ULK4: variants seen among roughly 807,000 people sequenced by gnomAD.
ULK4 encodes the protein inactive serine/threonine-protein kinase ULK4.
In ULK4, 133 loss-of-function variants were observed where a neutral mutation model predicts 160.6. That is an observed-to-expected ratio of 0.83 (90% confidence interval 0.72 to 0.96). The LOEUF is 0.96. Ranked by LOEUF, ULK4 falls within the 40% of genes least tolerant of loss-of-function variation. The pLI, the probability that ULK4 is intolerant of heterozygous loss-of-function variation, is 0.00. For missense variants in ULK4, 1,580 were observed against 1,499.5 expected (o/e 1.05, Z -0.89); for synonymous variants, 534 against 539.8 (o/e 0.99, Z 0.15).
chr3:41,831,526 T>C (rs932058821), intron 18 of ULK4, among the ~76,000 whole-genome samples: 2 of 130,544 alleles, frequency 1.5e-5, no homozygotes, highest in African/African-American at 7.5e-5. Flanking sequence ...TTTATATATA[T>C]ATATATTTTT....
intron 35 of ULK4, among the ~76,000 whole-genome samples, chr3:41,393,246 T>C (rs546402219): frequency 1.3e-5 from 2 of 152,310 alleles, no homozygotes; most frequent in Admixed American, 1.3e-4. Context: ...TATGGTAAAG[T>C]TTCATTCCAC....
intron 21 of ULK4, among the ~76,000 whole-genome samples, chr3:41,755,147 G>C (rs1470030659): frequency 6.6e-6 from 1 of 152,230 alleles, no homozygotes; most frequent in East Asian, 1.9e-4. Context: ...GTTAACGAAT[G>C]TAAGTAGTCA....
intron 22 of ULK4, among the ~76,000 whole-genome samples, chr3:41,740,374 T>A (rs2038201670): frequency 6.6e-6 from 1 of 151,884 alleles, no homozygotes; most frequent in South Asian, 2.1e-4. Context: ...CACTGACATT[T>A]CAGCTCACGG....
chr3:41,959,361 C>A (rs1488882165), intron 1 of ULK4, among the ~76,000 whole-genome samples: 2 of 39,776 alleles, frequency 5.0e-5, no homozygotes, highest in African/African-American at 4.5e-5. Context: ...AAGATTCCAT[C>A]TCAAAAAAAA....
chr3:41,818,703 A>G (rs1201697539), intron 19 of ULK4, among the ~76,000 whole-genome samples: 2 of 152,232 alleles, frequency 1.3e-5, no homozygotes, highest in Non-Finnish European at 2.9e-5. Context: ...CAATGAACTC[A>G]AAAGAAAGAT....
At chr3:41,677,454 C>T (rs2035761009) in intron 29 of ULK4, among the ~76,000 whole-genome samples, 2 of 151,840 alleles carry the variant, frequency 1.3e-5, no homozygotes, top group South Asian at 4.2e-4. Flanking sequence ...GCCTCAGCCT[C>T]CCGAGTAGCT....
intron 35 of ULK4, among the ~76,000 whole-genome samples, chr3:41,347,519 A>G (rs1455418846): frequency 1.3e-5 from 2 of 152,078 alleles, no homozygotes; most frequent in Non-Finnish European, 2.9e-5. Flanking sequence ...CCTTTCATGC[A>G]TGCAACACCC....
chr3:41,724,252 A>AG (rs2037569828), intron 22 of ULK4, among the ~76,000 whole-genome samples: 2 of 152,318 alleles, frequency 1.3e-5, no homozygotes, highest in South Asian at 4.1e-4. Context: ...ATTAATGAAT[A>AG]GGGCTAAGCA....
At chr3:41,489,646 T>C (rs921004620) in intron 32 of ULK4, among the ~76,000 whole-genome samples, 9 of 152,126 alleles carry the variant, frequency 5.9e-5, no homozygotes, top group Non-Finnish European at 1.2e-4. Context: ...GCAAAGTCCT[T>C]TCCTGTATAG....
chr3:41,492,729 G>A (rs1490378724), intron 32 of ULK4, among the ~76,000 whole-genome samples: 3 of 151,716 alleles, frequency 2.0e-5, no homozygotes, highest in African/African-American at 7.3e-5. Context: ...AAGGATGGAG[G>A]AAGATCTACC....
chr3:41,321,285 T>A (rs933295845), intron 35 of ULK4, among the ~76,000 whole-genome samples: 6 of 152,180 alleles, frequency 3.9e-5, no homozygotes, highest in Admixed American at 6.5e-5. Context: ...GAGATAGGGA[T>A]ATAAAATATT....
chr3:41,921,657 A>G (rs1419054687), intron 5 of ULK4, among the ~76,000 whole-genome samples: 1 of 152,190 alleles, frequency 6.6e-6, no homozygotes, highest in Non-Finnish European at 1.5e-5. Context: ...AAATAAATGC[A>G]CTAATAAACA....
At chr3:41,355,364 C>A (rs1223684917) in intron 35 of ULK4, among the ~76,000 whole-genome samples, 10 of 152,158 alleles carry the variant, frequency 6.6e-5, no homozygotes, top group Non-Finnish European at 1.3e-4. Flanking sequence ...TTGGGCTTGT[C>A]AAAAGCCCTA....
chr3:41,331,096 G>C (rs1263964685), intron 35 of ULK4, among the ~76,000 whole-genome samples: 1 of 152,212 alleles, frequency 6.6e-6, no homozygotes, highest in African/African-American at 2.4e-5. Flanking sequence ...CCACTTGGGT[G>C]AAAGAAGGCA....
At chr3:41,801,739 C>G (rs931771260) in intron 19 of ULK4, among the ~76,000 whole-genome samples, 1 of 151,652 alleles carries the variant, frequency 6.6e-6, no homozygotes, top group African/African-American at 2.4e-5. Flanking sequence ...TACTCCCAGC[C>G]ACCTGGGAGG....
At chr3:41,653,330 C>T (rs939245892) in intron 30 of ULK4, among the ~76,000 whole-genome samples, 14 of 152,220 alleles carry the variant, frequency 9.2e-5, no homozygotes, top group African/African-American at 3.4e-4. Flanking sequence ...CTGTTCCTTC[C>T]CATGAAAACC....
intron 35 of ULK4, among the ~76,000 whole-genome samples, chr3:41,294,722 T>C (rs762725099): frequency 5.9e-5 from 9 of 152,016 alleles, no homozygotes; most frequent in Non-Finnish European, 1.2e-4. Context: ...AAGTATTAGC[T>C]AATGCAATAA....
At chr3:41,253,748 C>A (rs1227020441) in intron 35 of ULK4, among the ~76,000 whole-genome samples, 1 of 151,962 alleles carries the variant, frequency 6.6e-6, no homozygotes, top group Non-Finnish European at 1.5e-5. Context: ...ATGATCCAAC[C>A]ATCTATTGTG....
At chr3:41,756,956 T>A (rs958392443) in intron 21 of ULK4, among the ~76,000 whole-genome samples, 1 of 152,140 alleles carries the variant, frequency 6.6e-6, no homozygotes, top group African/African-American at 2.4e-5. Context: ...GGGAAAATGT[T>A]CGTAAATAAT....
Sources: gnomAD v4.1 joint callset for allele counts (sites outside exome capture counted in the v4.1 genomes callset) on GRCh38, gnomAD v4.1.1 for gene constraint, MANE v1.5 for transcripts, NCBI Gene and HGNC (gene_info 2026-07-23, HGNC 2026-07-21) for gene names.